The following RALGAPB variants were observed in gnomAD, a reference collection of about 807,000 sequenced individuals.
RALGAPB encodes the protein Ral GTPase activating protein non-catalytic subunit beta.
RALGAPB carries 25 observed loss-of-function variants against 161.1 expected under a neutral mutation model. The ratio of observed to expected loss-of-function variants is 0.16; its 90% CI spans 0.11 to 0.22. RALGAPB has a LOEUF of 0.22. RALGAPB is among the 10% of genes least tolerant of loss of function. The pLI is 1.00. For synonymous variants in RALGAPB, 629 were observed against 626.1 expected (o/e 1.00, Z -0.07); for missense variants, 1,391 against 1,815.2 (o/e 0.77, Z 4.25).
Position 38,488,463 on chromosome 20 carries a change from G to T in RALGAPB, c.31G>T (p.Val11Leu), listed in dbSNP as rs751521467. 30 of 1,614,002 alleles carry T rather than the reference G, an allele frequency of 1.9e-5. No individual in the cohort carries two copies. Among genetic ancestry groups the T allele is most frequent in the Non-Finnish European group, 2.4e-5 (28 of 1,180,014 alleles). The change falls in exon 2 of 30, where the codon GTG (valine) becomes TTG (leucine). Residue 11 changes from valine to leucine, a missense_variant. Transcript: ENST00000262879. Reference sequence around the variant, plus strand: ...CTCTGAGTGGAGGTCACTGCATTTGGTGATTCAGAATGATCAAGGCCATAC... The same window carrying T: ...CTCTGAGTGGAGGTCACTGCATTTGTTGATTCAGAATGATCAAGGCCATAC... Reference protein sequence around the residue: MYSEWRSLHLVIQNDQGHTSV... With the variant: MYSEWRSLHLLIQNDQGHTSV...
chr20:38,552,585 A>G (rs1475507296), intron 21 of RALGAPB, among the ~76,000 whole-genome samples: 1 of 152,176 alleles, frequency 6.6e-6, no homozygotes, highest in Non-Finnish European at 1.5e-5. Context: ...CAAGTAATAG[A>G]GGCAGTAGGG....
intron 19 of RALGAPB, chr20:38,548,027 A>C (rs1452971653): frequency 6.6e-6 from 1 of 152,232 alleles, no homozygotes; most frequent in Admixed American, 6.5e-5. Flanking sequence ...TTACAAGGAC[A>C]TTTTAATAGT....
At chr20:38,509,789 T>G (rs2085878306) in intron 6 of RALGAPB, among the ~76,000 whole-genome samples, 2 of 152,254 alleles carry the variant, frequency 1.3e-5, no homozygotes, top group Admixed American at 6.5e-5. Flanking sequence ...AAACTGATTC[T>G]TAAATTTTTT....
chr20:38,523,357 C>G (rs2086355330), intron 10 of RALGAPB, among the ~76,000 whole-genome samples: 1 of 152,134 alleles, frequency 6.6e-6, no homozygotes, highest in Non-Finnish European at 1.5e-5. Flanking sequence ...GCATGTTTCT[C>G]AGGAACTCTG....
chr20:38,503,264 G>A (rs951217798), intron 5 of RALGAPB, among the ~76,000 whole-genome samples: 1 of 152,108 alleles, frequency 6.6e-6, no homozygotes, highest in Non-Finnish European at 1.5e-5. Flanking sequence ...AAGTTTTGAG[G>A]GAGTCAAACA....
At position 38,575,157 on chromosome 20, in the gene RALGAPB, C is replaced by A; in HGVS notation, c.*190C>A. 1 of 575,950 alleles carries A rather than the reference C, an allele frequency of 1.7e-6. No homozygotes were observed. Among genetic ancestry groups the A allele is most frequent in the Non-Finnish European group, 3.1e-6 (1 of 327,354 alleles). 35.7% of individuals were successfully genotyped at this position (575,950 alleles called of 1,614,324 possible). On this transcript the variant is annotated 3_prime_UTR_variant, in exon 30 of 30. Transcript: ENST00000262879. The stretch of plus-strand genomic sequence containing the variant: ...TTGGGCTATCTAGTGAAATGGGCTC[C>A]CAGACACAATCACACTCCTGCTGAT...
chr20:38,574,007 C>CT (rs2088339503), intron 28 of RALGAPB, 143 bp from the exon 29 acceptor site: 1 of 705,930 alleles, frequency 1.4e-6, no homozygotes, highest in East Asian at 3.0e-5. Flanking sequence ...TCTGAGCACA[C>CT]TGACCCCTTG....
At chr20:38,478,720 G>T (rs2084877899) in intron 1 of RALGAPB, among the ~76,000 whole-genome samples, 1 of 151,850 alleles carries the variant, frequency 6.6e-6, no homozygotes, top group African/African-American at 2.4e-5. Context: ...GGGTTCAAGT[G>T]ATTCTCCTCC....
At chr20:38,565,240 G>T in intron 24 of RALGAPB, 119 bp from the exon 25 acceptor site, 3 of 1,163,328 alleles carry the variant, frequency 2.6e-6, no homozygotes, top group Non-Finnish European at 2.4e-6. Flanking sequence ...ATTGGTTCTT[G>T]TTGAAAACAT....
chr20:38,524,993 G>C (rs1420570143), intron 11 of RALGAPB, 48 bp downstream of exon 11: 2 of 1,526,338 alleles, frequency 1.3e-6, no homozygotes, highest in African/African-American at 2.8e-5. Flanking sequence ...ATTTGGCCTG[G>C]TCTGTTGGTG....
In RALGAPB at chr20:38,524,887, G is replaced by A; in HGVS notation, c.1729G>A (p.Gly577Arg). The A allele has an allele frequency of 6.2e-7, 1 of 1,611,384 alleles. No homozygotes were observed. The highest frequency in any genetic ancestry group is 1.1e-5 in the South Asian group (1 of 91,020). The change falls in exon 11 of 30, where the codon GGG becomes AGG. Residue 577 changes from glycine (G) to arginine (R), a missense_variant. Physicochemically the swap from Gly to Arg is moderately radical, Grantham distance 125. Transcript: ENST00000262879. ...TCCTTTGTTCTGCTGTGACTTGAAA[G>A]GGATTGATGTTGTGGTTCCTTACTT... ...SPPLFCCDLK[G>R]IDVVVPYFIS...
At chr20:38,531,805 A>G (rs6100093) in intron 14 of RALGAPB, among the ~76,000 whole-genome samples, 19,888 of 152,156 alleles carry the variant, frequency 0.13, 3,642 homozygotes, top group African/African-American at 0.41. Flanking sequence ...AGTAGATGTA[A>G]GATGGGTGAT....
intron 13 of RALGAPB, 152 bp from the exon 14 acceptor site, chr20:38,531,015 C>G: frequency 1.6e-6 from 1 of 635,496 alleles, no homozygotes; most frequent in Non-Finnish European, 2.7e-6. Context: ...AGTTCAAGCT[C>G]TTGTTTAAGA....
chr20:38,567,639 T>C (rs911390028), intron 26 of RALGAPB, among the ~76,000 whole-genome samples: 1 of 152,226 alleles, frequency 6.6e-6, no homozygotes, highest in Non-Finnish European at 1.5e-5. Context: ...ACTCAGTATA[T>C]GGATAAATAT....
chr20:38,566,649 CTG>C (rs2088011160), intron 25 of RALGAPB, among the ~76,000 whole-genome samples: 1 of 152,222 alleles, frequency 6.6e-6, no homozygotes, highest in African/African-American at 2.4e-5. Context: ...ACTAGATCTT[CTG>C]TAGCTTCTGG....
intron 10 of RALGAPB, among the ~76,000 whole-genome samples, chr20:38,522,023 T>A (rs1416746141): frequency 2.6e-5 from 4 of 152,234 alleles, no homozygotes. Context: ...AAGTCAGCTG[T>A]AAATCCTGCC....
At chr20:38,564,989 G>T (rs896695070) in intron 24 of RALGAPB, among the ~76,000 whole-genome samples, 33 of 146,512 alleles carry the variant, frequency 2.3e-4, no homozygotes, top group Admixed American at 4.2e-4. Context: ...CTGCCTGCCT[G>T]CCTGCCTGCC....
chr20:38,558,956 T>G (rs1239079417), intron 23 of RALGAPB, among the ~76,000 whole-genome samples: 1 of 152,220 alleles, frequency 6.6e-6, no homozygotes, highest in Non-Finnish European at 1.5e-5. Context: ...ATATACAAAA[T>G]TTTACATGGT....
intron 21 of RALGAPB, 36 bp from the exon 22 acceptor site, chr20:38,553,831 A>G (rs2087478699): frequency 1.5e-6 from 2 of 1,309,762 alleles, no homozygotes; most frequent in South Asian, 1.2e-5. Context: ...TAGTTTGATA[A>G]TAGTTTCAAA....
Sources: gnomAD v4.1 joint callset for allele counts (sites outside exome capture counted in the v4.1 genomes callset) on GRCh38, gnomAD v4.1.1 for gene constraint, MANE v1.5 for transcripts, NCBI Gene and HGNC (gene_info 2026-07-23, HGNC 2026-07-21) for gene names.